CACNA2D3: variants seen among roughly 807,000 people sequenced by gnomAD.
CACNA2D3 encodes calcium voltage-gated channel auxiliary subunit alpha2delta 3, also known as voltage-dependent calcium channel subunit alpha-2/delta-3.
Under a neutral mutation model 160.6 loss-of-function variants are expected in CACNA2D3, and 60 were observed. That is an observed-to-expected ratio of 0.37 (90% CI 0.30 to 0.46). The LOEUF (loss-of-function observed/expected upper bound fraction) is 0.46, where lower values mean the gene tolerates loss of function less well. Ranked by LOEUF, CACNA2D3 falls within the 20% of genes least tolerant of loss-of-function variation. The pLI is 1.00. For missense variants in CACNA2D3, 1,205 were observed against 1,365.0 expected (o/e 0.88, Z 1.85); for synonymous variants, 558 against 492.9 (o/e 1.13, Z -1.75).
At chr3:54,338,863 G>A (rs776798878) in intron 3 of CACNA2D3, among the ~76,000 whole-genome samples, 7 of 152,116 alleles carry the variant, frequency 4.6e-5, no homozygotes, top group Non-Finnish European at 8.8e-5. Context: ...CTGAACACAC[G>A]CCAAAGCCCA....
At chr3:54,291,562 T>A (rs959209410) in intron 2 of CACNA2D3, among the ~76,000 whole-genome samples, 1 of 152,168 alleles carries the variant, frequency 6.6e-6, no homozygotes, top group Non-Finnish European at 1.5e-5. Context: ...AAAAGGTAAG[T>A]GTTAATTACT....
intron 2 of CACNA2D3, among the ~76,000 whole-genome samples, chr3:54,155,379 G>T (rs1341511482): frequency 6.6e-6 from 1 of 152,150 alleles, no homozygotes; most frequent in Non-Finnish European, 1.5e-5. Context: ...CATACAGCTT[G>T]TCTGGTGGCT....
At chr3:54,432,638 A>G (rs1330503224) in intron 4 of CACNA2D3, among the ~76,000 whole-genome samples, 1 of 152,160 alleles carries the variant, frequency 6.6e-6, no homozygotes, top group Non-Finnish European at 1.5e-5. Flanking sequence ...TTAAGGTATT[A>G]TTGAAACACT....
intron 5 of CACNA2D3, among the ~76,000 whole-genome samples, chr3:54,552,419 C>T (rs901934294): frequency 6.6e-6 from 1 of 152,184 alleles, no homozygotes; most frequent in Admixed American, 6.5e-5. Flanking sequence ...CCGTGGACTG[C>T]GCCTTCCCTG....
intron 13 of CACNA2D3, among the ~76,000 whole-genome samples, chr3:54,811,878 G>A (rs908414413): frequency 6.6e-6 from 1 of 152,066 alleles, no homozygotes; most frequent in Non-Finnish European, 1.5e-5. Flanking sequence ...ATTGCTCTCT[G>A]GCTTTGTGAC....
chr3:54,298,144 G>C (rs753383816), intron 2 of CACNA2D3, among the ~76,000 whole-genome samples: 7 of 152,208 alleles, frequency 4.6e-5, no homozygotes, highest in Admixed American at 4.6e-4. Flanking sequence ...CTTCTTACAG[G>C]CAGTGGCCCT....
Position 54,209,888 on chromosome 3 carries a change from G to A in CACNA2D3, c.204+86294G>A, listed in dbSNP as rs76953082. Among the ~76,000 whole-genome samples, 519 of 152,240 alleles carry A rather than the reference G, an allele frequency of 3.4e-3. 3 individuals are homozygous for A. Among genetic ancestry groups the A allele is most frequent in the African/African-American group, 0.01 (428 of 41,528 alleles). ...TATCTAAGCAGTTTGTTTAGAAATC[G>A]GAATCCCTTTAGAGATGAATGTTGC... On this transcript the variant is annotated intron_variant, in intron 2 of 37. Coordinates refer to ENST00000474759, the MANE Select transcript of CACNA2D3 (RefSeq NM_018398.3).
chr3:54,662,721 G>T (rs1699994790), intron 11 of CACNA2D3, among the ~76,000 whole-genome samples: 1 of 152,164 alleles, frequency 6.6e-6, no homozygotes, highest in Admixed American at 6.5e-5. Context: ...AGGTCCACCT[G>T]GCTGGTGCTG....
chr3:54,238,090 C>CT (rs1701915970), intron 2 of CACNA2D3, among the ~76,000 whole-genome samples: 1 of 152,174 alleles, frequency 6.6e-6, no homozygotes, highest in Admixed American at 6.6e-5. Context: ...CTGCTGCATA[C>CT]TTTTTTCCAA....
rs891984978 is a variant in CACNA2D3 at position 54,466,139 on chromosome 3, A to G, written c.382-37353A>G. Among the ~76,000 whole-genome samples, 9 of 152,326 alleles carry G rather than the reference A, an allele frequency of 5.9e-5. No individual in the cohort carries two copies. The South Asian group carries it at 1.9e-3, about 32-fold the overall frequency. On this transcript the variant is annotated intron_variant, in intron 4 of 37. Coordinates refer to ENST00000474759, the MANE Select transcript of CACNA2D3 (RefSeq NM_018398.3). ...AATCGGGTTCACATCTCCGTATTTT[A>G]AGGTCAACTGACTCAAGACTTTAAT...
chr3:54,867,493 G>A (rs1387422533), intron 17 of CACNA2D3, among the ~76,000 whole-genome samples: 2 of 146,374 alleles, frequency 1.4e-5, no homozygotes, highest in African/African-American at 5.1e-5. Flanking sequence ...TTGGAATTCT[G>A]TTGACTACTC....
intron 27 of CACNA2D3, among the ~76,000 whole-genome samples, chr3:54,925,532 G>A (rs1190153151): frequency 1.3e-5 from 2 of 152,196 alleles, no homozygotes; most frequent in African/African-American, 4.8e-5. Context: ...TATTTGGGGT[G>A]TATATGCCGT....
At chr3:54,240,953 C>T (rs1701963914) in intron 2 of CACNA2D3, among the ~76,000 whole-genome samples, 1 of 152,106 alleles carries the variant, frequency 6.6e-6, no homozygotes, top group Non-Finnish European at 1.5e-5. Context: ...GTTGGCCAGG[C>T]TGGTCTTGAA....
At chr3:54,460,000 A>C (rs1455332417) in intron 4 of CACNA2D3, among the ~76,000 whole-genome samples, 3 of 152,134 alleles carry the variant, frequency 2.0e-5, no homozygotes. Context: ...ATGGCTAGCC[A>C]GTTTTCCCAG....
chr3:54,536,119 G>A (rs1701885362), intron 5 of CACNA2D3, among the ~76,000 whole-genome samples: 1 of 152,198 alleles, frequency 6.6e-6, no homozygotes, highest in Non-Finnish European at 1.5e-5. Flanking sequence ...GCAGCAAAAA[G>A]TTATTAAAAA....
intron 14 of CACNA2D3, among the ~76,000 whole-genome samples, chr3:54,830,012 C>T (rs9875643): frequency 0.017 from 175 of 10,550 alleles, no homozygotes; most frequent in African/African-American, 0.14. Flanking sequence ...CTCTGCCTCC[C>T]GGGTTCAAGC....
At chr3:55,013,390 A>T (rs113563811) in intron 34 of CACNA2D3, among the ~76,000 whole-genome samples, 2 of 152,290 alleles carry the variant, frequency 1.3e-5, no homozygotes, top group African/African-American at 4.8e-5. Flanking sequence ...CATCAATATG[A>T]CTTTTTCCAT....
intron 13 of CACNA2D3, among the ~76,000 whole-genome samples, chr3:54,815,180 T>G (rs1279774388): frequency 6.6e-6 from 1 of 152,226 alleles, no homozygotes; most frequent in Non-Finnish European, 1.5e-5. Context: ...TTCTGAATAG[T>G]TCCAGCCATA....
intron 11 of CACNA2D3, among the ~76,000 whole-genome samples, chr3:54,706,285 A>G (rs549828013): frequency 5.9e-5 from 9 of 152,290 alleles, no homozygotes; most frequent in African/African-American, 2.2e-4. Flanking sequence ...CAACATTTCA[A>G]TAGAAGGTTA....
Sources: gnomAD v4.1 joint callset for allele counts (sites outside exome capture counted in the v4.1 genomes callset) on GRCh38, gnomAD v4.1.1 for gene constraint, MANE v1.5 for transcripts, NCBI Gene and HGNC (gene_info 2026-07-23, HGNC 2026-07-21) for gene names.